Variants in IDO2 observed in about 807,000 individuals in gnomAD.
IDO2 encodes the protein indoleamine 2,3-dioxygenase 2.
In IDO2, 46 loss-of-function variants were observed where a neutral mutation model predicts 45.1. The ratio of observed to expected loss-of-function variants is 1.02; its 90% CI spans 0.80 to 1.30. The LOEUF (loss-of-function observed/expected upper bound fraction) is 1.30. Ranked by LOEUF, IDO2 falls within the 50% of genes most tolerant of loss-of-function variation. The probability of loss-of-function intolerance (pLI) is 0.00; values close to 1 mark genes in which losing one functional copy is unlikely to be tolerated. For synonymous variants in IDO2, 218 were observed against 184.9 expected (o/e 1.18, Z -1.45); for missense variants, 544 against 491.8 (o/e 1.11, Z -1.00).
intron 3 of IDO2, among the ~76,000 whole-genome samples, chr8:39,978,559 G>T (rs1808296050): frequency 6.6e-6 from 1 of 152,072 alleles, no homozygotes; most frequent in Admixed American, 6.6e-5. Context: ...GGTGGAGGGG[G>T]TGTGAAAAGC....
chr8:39,950,905 C>G, intron 2 of IDO2, among the ~76,000 whole-genome samples: 1 of 152,202 alleles, frequency 6.6e-6, no homozygotes, highest in South Asian at 2.1e-4. Flanking sequence ...TTTGGACAGC[C>G]ACTAATAGTG....
chr8:40,002,228 T>C (rs1322568175), intron 8 of IDO2, among the ~76,000 whole-genome samples: 2 of 152,210 alleles, frequency 1.3e-5, no homozygotes, highest in East Asian at 3.8e-4. Flanking sequence ...TTCCCTCCTA[T>C]GGATAAGCAC....
intron 2 of IDO2, among the ~76,000 whole-genome samples, chr8:39,952,107 C>G (rs1178825499): frequency 6.6e-6 from 1 of 152,208 alleles, no homozygotes; most frequent in African/African-American, 2.4e-5. Context: ...TTTTCAACTG[C>G]TCCCTTTCTG....
At chr8:40,013,437 C>A in intron 9 of IDO2, 128 bp from the exon 10 acceptor site, 2 of 879,406 alleles carry the variant, frequency 2.3e-6, no homozygotes, top group Non-Finnish European at 3.6e-6. Context: ...AAGATACCCC[C>A]AATCCCTCAC....
intron 2 of IDO2, among the ~76,000 whole-genome samples, chr8:39,961,612 G>A (rs138322214): frequency 2.6e-5 from 4 of 152,212 alleles, no homozygotes; most frequent in East Asian, 1.9e-4. Flanking sequence ...ATGAGCCATC[G>A]TGCCCAGCCC....
chr8:39,943,194 C>A (rs968309969), intron 1 of IDO2, among the ~76,000 whole-genome samples: 3 of 151,564 alleles, frequency 2.0e-5, no homozygotes, highest in Non-Finnish European at 4.4e-5. Flanking sequence ...GTGGGGAAAC[C>A]CCGTCTTTAA....
At chr8:39,954,909 G>A (rs775265456) in intron 2 of IDO2, among the ~76,000 whole-genome samples, 1 of 151,218 alleles carries the variant, frequency 6.6e-6, no homozygotes, top group Admixed American at 6.6e-5. Context: ...CGCGCACCTC[G>A]GCCTCTCAAA....
At chr8:40,003,877 C>A (rs1392400616) in intron 8 of IDO2, among the ~76,000 whole-genome samples, 1 of 152,094 alleles carries the variant, frequency 6.6e-6, no homozygotes, top group Middle Eastern at 3.2e-3. Flanking sequence ...TCTGTGGATT[C>A]CTTTTATCCA....
At chr8:40,011,757 C>T (rs574856477) in intron 9 of IDO2, among the ~76,000 whole-genome samples, 2 of 152,346 alleles carry the variant, frequency 1.3e-5, no homozygotes, top group South Asian at 4.1e-4. Context: ...CTAATTTACT[C>T]AGATGAGAAA....
intron 3 of IDO2, among the ~76,000 whole-genome samples, chr8:39,976,715 T>C (rs898471301): frequency 6.6e-6 from 1 of 152,162 alleles, no homozygotes; most frequent in Non-Finnish European, 1.5e-5. Flanking sequence ...AAATCACATA[T>C]TTGGCCCTCC....
At chr8:39,956,458 A>C (rs1390123961) in intron 2 of IDO2, among the ~76,000 whole-genome samples, 1 of 152,200 alleles carries the variant, frequency 6.6e-6, no homozygotes, top group Non-Finnish European at 1.5e-5. Context: ...TTAGGCTATA[A>C]GTTTTGAATT....
chr8:39,988,697 G>A lies in IDO2; in HGVS notation c.549+727G>A, dbSNP rs185370236. The stretch of plus-strand genomic sequence containing the variant: ...CTCCCAAAGTGCTGGGATTACAGGT[G>A]TGAGCCACCCTGCCCAGCCAACACT... On this transcript the variant is annotated intron_variant, in intron 7 of 10. Transcript: ENST00000502986. Among the ~76,000 whole-genome samples the A allele has an allele frequency of 1.1e-3, 172 of 152,204 alleles. 1 individual carries two copies. Among genetic ancestry groups the A allele is most frequent in the African/African-American group, 3.7e-3 (154 of 41,540 alleles).
At chr8:39,974,480 G>C (rs1374994088) in intron 3 of IDO2, among the ~76,000 whole-genome samples, 1 of 152,174 alleles carries the variant, frequency 6.6e-6, no homozygotes, top group Non-Finnish European at 1.5e-5. Flanking sequence ...TATGTACTGG[G>C]ATAAAGGAAG....
At chr8:40,003,766 A>G (rs926091349) in intron 8 of IDO2, among the ~76,000 whole-genome samples, 5 of 152,260 alleles carry the variant, frequency 3.3e-5, no homozygotes, top group Middle Eastern at 3.4e-3. Flanking sequence ...AGGACTTCTA[A>G]CACAGTATTG....
At chr8:39,971,520 C>T (rs1259305132) in intron 3 of IDO2, among the ~76,000 whole-genome samples, 1 of 152,116 alleles carries the variant, frequency 6.6e-6, no homozygotes, top group African/African-American at 2.4e-5. Context: ...TAAGGCTATT[C>T]CTGACACAGA....
chr8:40,013,303 A>G (rs889750886), intron 9 of IDO2, among the ~76,000 whole-genome samples: 13 of 152,182 alleles, frequency 8.5e-5, no homozygotes, highest in Admixed American at 7.9e-4. Context: ...CCTGTGCCAC[A>G]AATTCCTCTC....
At chr8:39,998,950 A>T (rs1197091142) in intron 8 of IDO2, among the ~76,000 whole-genome samples, 4 of 151,416 alleles carry the variant, frequency 2.6e-5, no homozygotes, top group African/African-American at 9.7e-5. Flanking sequence ...GCCCCATGTT[A>T]ATGCTTCTAA....
intron 9 of IDO2, among the ~76,000 whole-genome samples, chr8:40,007,204 A>G (rs1409608317): frequency 1.3e-5 from 2 of 152,048 alleles, no homozygotes; most frequent in Non-Finnish European, 2.9e-5. Flanking sequence ...TGCTATCAAT[A>G]GAAATAATCT....
intron 2 of IDO2, among the ~76,000 whole-genome samples, chr8:39,952,891 C>T (rs955819936): frequency 1.3e-5 from 2 of 152,062 alleles, no homozygotes; most frequent in African/African-American, 2.4e-5. Context: ...GCCTCAGCCT[C>T]CTGAGTAGCT....
Sources: allele counts gnomAD v4.1 joint callset (sites outside exome capture counted in the v4.1 genomes callset), GRCh38; gene constraint gnomAD v4.1.1; transcripts MANE v1.5; gene names NCBI Gene and HGNC (gene_info 2026-07-23, HGNC 2026-07-21).